The following R3HDM4 variants were observed in gnomAD, a reference collection of about 807,000 sequenced individuals.
The protein encoded by R3HDM4 is R3H domain-containing protein 4.
In R3HDM4, 30 loss-of-function variants were observed where a neutral mutation model predicts 31.3. The ratio of observed to expected loss-of-function variants is 0.96; its 90% CI spans 0.72 to 1.30. R3HDM4 has a LOEUF of 1.30. Among genes scored for constraint, R3HDM4 ranks in the 50% most tolerant of loss-of-function variants. R3HDM4 has a pLI of 0.00. For missense variants in R3HDM4, 444 were observed against 366.1 expected, an observed-to-expected ratio of 1.21 and a Z score of -1.74; for synonymous variants, 196 against 156.6, an observed-to-expected ratio of 1.25 and a Z score of -1.88.
chr19:903,586 C>G (rs2036865033), intron 1 of R3HDM4, among the ~76,000 whole-genome samples: 1 of 152,214 alleles, frequency 6.6e-6, no homozygotes, highest in Non-Finnish European at 1.5e-5. Context: ...TGGATGGGGA[C>G]TTTTCTGGCA....
intron 1 of R3HDM4, among the ~76,000 whole-genome samples, chr19:906,809 T>TTTTTGCTTTGTTTTG (rs2036910781): frequency 1.3e-5 from 2 of 149,626 alleles, no homozygotes; most frequent in Non-Finnish European, 3.0e-5. Flanking sequence ...ATTTGGGGTT[T>TTTTTGCTTTGTTTTG]TTTTGTTTTG....
intron 1 of R3HDM4, among the ~76,000 whole-genome samples, chr19:906,239 A>T (rs1397373642): frequency 9.5e-5 from 11 of 115,490 alleles, no homozygotes; most frequent in African/African-American, 3.0e-4. Flanking sequence ...TTTTTTTTTG[A>T]GACAGAGTCT....
chr19:900,859 CCCT>C lies in R3HDM4; in HGVS notation c.442_444del (p.Arg148del), dbSNP rs1316239452. On this transcript the variant is annotated inframe_deletion, in exon 4 of 8. Transcript: ENST00000361574. ...CTCCGGTCCTCCCCACGGCCAGGGCCCCTCCTCCGCGCCTTGCTCCTGCCCTCA... is the reference window on the plus strand; with the variant it reads ...CTCCGGTCCTCCCCACGGCCAGGGCCCCTCCGCGCCTTGCTCCTGCCCTCA... 3 of 1,552,926 alleles carry C rather than the reference CCCT, an allele frequency of 1.9e-6. No individual in the cohort carries two copies. The African/African-American group carries it at 4.1e-5, about 21-fold the overall frequency.
chr19:903,564 G>T (rs113564307), intron 1 of R3HDM4, among the ~76,000 whole-genome samples: 57 of 152,164 alleles, frequency 3.7e-4, no homozygotes, highest in African/African-American at 1.3e-3. Context: ...GGGCCGGTGA[G>T]GGGGGGCCTC....
intron 1 of R3HDM4, among the ~76,000 whole-genome samples, chr19:910,319 ATC>A: frequency 7.1e-6 from 1 of 140,328 alleles, no homozygotes; most frequent in Non-Finnish European, 1.5e-5. Context: ...GAGCGAAACC[ATC>A]TCAAAAAAAA....
At chr19:903,524 C>T (rs111920779) in intron 1 of R3HDM4, among the ~76,000 whole-genome samples, 79 of 152,018 alleles carry the variant, frequency 5.2e-4, no homozygotes, top group African/African-American at 1.8e-3. Flanking sequence ...GAGGTAGGCG[C>T]GCACCGCAGC....
intron 1 of R3HDM4, among the ~76,000 whole-genome samples, chr19:911,425 T>C (rs999902439): frequency 9.2e-5 from 14 of 152,174 alleles, no homozygotes; most frequent in Non-Finnish European, 1.6e-4. Context: ...GCCTGGGCGA[T>C]AGAGCGAGAC....
chr19:901,056 C>T, intron 3 of R3HDM4, 104 bp from the exon 4 acceptor site: 1 of 1,363,260 alleles, frequency 7.3e-7, no homozygotes, highest in Non-Finnish European at 9.9e-7. Flanking sequence ...TGGACGCGCT[C>T]CTGCGGTCAC....
chr19:901,060 C>G (rs1599357891), intron 3 of R3HDM4, 108 bp from the exon 4 acceptor site: 1 of 1,361,468 alleles, frequency 7.3e-7, no homozygotes. Flanking sequence ...CGCGCTCCTG[C>G]GGTCACCTCT....
rs775062281 is a variant in R3HDM4, at chr19:900,071, C to T, written c.551G>A (p.Arg184His). The change falls in exon 5 of 8, where the codon CGC (arginine) becomes CAC (histidine). Residue 184 changes from arginine to histidine, a missense_variant. By Grantham distance (29) the Arg-to-His change is conservative (BLOSUM62 0). Transcript: ENST00000361574. ...CAATCCCCCACTCACCATGGGGATG[C>T]GGCTGCGCTTGAGGACGGCTCGCAG... ...RRLRAVLKRS[R>H]IPMETLETWE... The T allele has an allele frequency of 9.3e-6, 15 of 1,611,402 alleles. No individual in the cohort carries two copies. Among genetic ancestry groups the T allele is most frequent in the Admixed American group, 5.0e-5 (3 of 59,696 alleles).
At chr19:904,005 C>G (rs192687221) in intron 1 of R3HDM4, among the ~76,000 whole-genome samples, 2 of 152,192 alleles carry the variant, frequency 1.3e-5, no homozygotes, top group Admixed American at 6.5e-5. Context: ...GAGCCGAGAT[C>G]GTGCCACTGC....
Position 900,890 on chromosome 19 carries a change from C to A in R3HDM4, c.414G>T (p.Glu138Asp). The change falls in exon 4 of 8, where the codon GAG becomes GAT. Residue 138 changes from glutamate (E) to aspartate (D), a missense_variant. Transcript: ENST00000361574. Reference protein sequence around the residue: ...EEQERVLRYLEDEGRSKARRR... With the variant: ...EEQERVLRYLDDEGRSKARRR... ...TCCGCGCCTTGCTCCTGCCCTCATC[C>A]TCCAGGTAGCGAAGAACCCGCTCCT... is the stretch of plus-strand genomic sequence containing the variant. 1 of 1,598,744 alleles carries A rather than the reference C, an allele frequency of 6.3e-7. No homozygotes were observed. Among genetic ancestry groups the A allele is most frequent in the Non-Finnish European group, 8.5e-7 (1 of 1,174,578 alleles).
At position 899,555 on chromosome 19, in the gene R3HDM4, T is replaced by A. The variant is rs1448203023; in HGVS notation, c.647+46A>T. 1.9e-6 allele frequency: 3 copies of A among 1,611,880 alleles called. No individual in the cohort carries two copies. Among genetic ancestry groups the A allele is most frequent in the Admixed American group, 1.7e-5 (1 of 59,930 alleles). The stretch of plus-strand genomic sequence containing the variant: ...CTGCAGCGTGGGGTGTCCGCCCACC[T>A]GGCCGCAGCCTCGGAGGGTCCGCTC... On this transcript the variant is annotated intron_variant, in intron 6 of 7. Transcript: ENST00000361574. The surrounding 1 kb of genome is among the most constrained non-coding windows in gnomAD (Gnocchi z 6.8).
chr19:901,671 T>C, intron 2 of R3HDM4, 125 bp from the exon 3 acceptor site: 1 of 1,293,184 alleles, frequency 7.7e-7, no homozygotes, highest in East Asian at 2.4e-5. Flanking sequence ...ATGCTCCAAC[T>C]GTCTTCCCCA....
Position 901,660 on chromosome 19 carries a change from C to T in R3HDM4, c.227-114G>A, listed in dbSNP as rs2036839184. 6 of 1,352,760 alleles carry T rather than the reference C, an allele frequency of 4.4e-6. No homozygotes were observed. In the East Asian group the frequency reaches 7.1e-5, roughly 16 times the overall value. The allele number at this position is 1,352,760 out of a possible 1,614,324, so 83.8% of individuals were successfully genotyped here. ...TTTATCATCTCAACCTCCGCACCTC[C>T]ATGCTCCAACTGTCTTCCCCAGAAG... is the stretch of plus-strand genomic sequence containing the variant. On this transcript the variant is annotated intron_variant, in intron 2 of 7. Transcript: ENST00000361574.
In R3HDM4 at chr19:907,255, C is replaced by T. The variant is rs2036916666; in HGVS notation, c.72-5125G>A. Among the ~76,000 whole-genome samples the T allele has an allele frequency of 6.6e-6, 1 of 152,168 alleles. No homozygotes were observed. The highest frequency in any genetic ancestry group is 1.5e-5 in the Non-Finnish European group (1 of 68,018). On this transcript the variant is annotated intron_variant, in intron 1 of 7. Coordinates refer to ENST00000361574, the MANE Select transcript of R3HDM4 (RefSeq NM_138774.4). This position sits in a 1 kb window ranked among gnomAD's most constrained non-coding sequence, Gnocchi z 4.1. The stretch of plus-strand genomic sequence containing the variant: ...AGCCGACGGGTACTCAGTGGGAATA[C>T]AGGGTCATGTTAAGCCAGCGTCTCT...
intron 1 of R3HDM4, among the ~76,000 whole-genome samples, chr19:902,919 G>A (rs2036855412): frequency 6.6e-6 from 1 of 152,138 alleles, no homozygotes; most frequent in South Asian, 2.1e-4. Context: ...TCCAGCCTGG[G>A]CGACGGAGTG....
At chr19:910,492 C>T (rs765810518) in intron 1 of R3HDM4, among the ~76,000 whole-genome samples, 80 of 151,472 alleles carry the variant, frequency 5.3e-4, no homozygotes, top group Non-Finnish European at 9.1e-4. Context: ...CTAGGCCGGG[C>T]GTGGTAGCTC....
chr19:906,256 G>A (rs2036904818), intron 1 of R3HDM4, among the ~76,000 whole-genome samples: 1 of 137,818 alleles, frequency 7.3e-6, no homozygotes, highest in South Asian at 2.2e-4. Flanking sequence ...GTCTCGCTCT[G>A]TCGCCCAGGC....
Sources: gnomAD v4.1 joint callset for allele counts (sites outside exome capture counted in the v4.1 genomes callset) on GRCh38, gnomAD v4.1.1 for gene constraint, Gnocchi (gnomAD v3.1) non-coding constraint, MANE v1.5 for transcripts, NCBI Gene and HGNC (gene_info 2026-07-23, HGNC 2026-07-21) for gene names.